POLR1G: variants seen among roughly 807,000 people sequenced by gnomAD.
The protein encoded by POLR1G is RNA polymerase I subunit G.
Under a neutral mutation model 6.3 loss-of-function variants are expected in POLR1G, and 9 were observed. The observed-to-expected ratio is 1.44, with a 90% CI of 0.87 to 2.51. The LOEUF (loss-of-function observed/expected upper bound fraction) is 2.51. Ranked by LOEUF, POLR1G falls within the 30% of genes most tolerant of loss-of-function variation. The pLI, the probability that POLR1G is intolerant of heterozygous loss-of-function variation, is 0.00. For synonymous variants in POLR1G, 248 were observed against 256.5 expected (o/e 0.97, Z 0.32); for missense variants, 617 against 632.5 (o/e 0.98, Z 0.26).
chr19:45,406,734 G>A lies in POLR1G; in HGVS notation c.22+16G>A. The stretch of plus-strand genomic sequence containing the variant: ...CAGGCCGGCGGTGAGGGTGCGGGTT[G>A]ACGGGGTGCGGAGGGTGCGTTGGTG... On this transcript the variant is annotated intron_variant, in intron 1 of 2. Coordinates refer to ENST00000309424, the MANE Select transcript of POLR1G (RefSeq NM_012099.3). The surrounding 1 kb of genome is among the most constrained non-coding windows in gnomAD (Gnocchi z 4.2). 2 of 1,527,202 alleles carry A rather than the reference G, an allele frequency of 1.3e-6. No individual in the cohort carries two copies. Among genetic ancestry groups the A allele is most frequent in the Non-Finnish European group, 8.8e-7 (1 of 1,139,566 alleles). The allele number at this position is 1,527,202 out of a possible 1,614,324, so 94.6% of individuals were successfully genotyped here.
At chr19:45,407,361 A>T in intron 2 of POLR1G, 126 bp downstream of exon 2, 1 of 869,822 alleles carries the variant, frequency 1.1e-6, no homozygotes. Context: ...GTTTATTGGA[A>T]ACTACTCCTT....
Position 45,406,982 on chromosome 19 carries a change from T to C in POLR1G, c.23-112T>C. The C allele has an allele frequency of 7.2e-7, 1 of 1,388,418 alleles. No individual in the cohort carries two copies. 86.0% of individuals were successfully genotyped at this position (1,388,418 alleles called of 1,614,324 possible). Reference sequence around the variant, plus strand: ...AGGTGGGCAGAAAGGAGAAACCAGGTTGAGGGGACTGGAGTGCTCACGAGG... The same window carrying C: ...AGGTGGGCAGAAAGGAGAAACCAGGCTGAGGGGACTGGAGTGCTCACGAGG... On this transcript the variant is annotated intron_variant, in intron 1 of 2. Transcript: ENST00000309424. The surrounding 1 kb of genome is among the most constrained non-coding windows in gnomAD (Gnocchi z 4.2).
Position 45,408,923 on chromosome 19 carries a change from G to A in POLR1G, c.955G>A (p.Glu319Lys), listed in dbSNP as rs143443617. ...GCCACAGGTGAAGGTGGAGCCACTG[G>A]AGGAAGCCATCCCTCTGCCCCCTAC... Reference protein sequence around the residue: ...SQPQVKVEPLEEAIPLPPTKK... With the variant: ...SQPQVKVEPLKEAIPLPPTKK... Residue 319 changes from glutamate to lysine, a missense_variant, in exon 3 of 3, where the codon GAG becomes AAG. Physicochemically the swap from Glu to Lys is moderately conservative, Grantham distance 56 (BLOSUM62 1). Coordinates refer to ENST00000309424, the MANE Select transcript of POLR1G (RefSeq NM_012099.3). 1.6e-3 allele frequency: 2,540 copies of A among 1,614,130 alleles called. 5 individuals carry two copies. The highest frequency in any genetic ancestry group is 1.7e-3 in the Non-Finnish European group (2,061 of 1,180,016).
Position 45,409,168 on chromosome 19 carries a change from G to A in POLR1G, c.1200G>A (p.Glu400=), listed in dbSNP as rs200242647. The A allele has an allele frequency of 2.7e-5, 44 of 1,613,636 alleles. No individual in the cohort carries two copies. The Admixed American group carries it at 7.2e-4, about 26-fold the overall frequency. The change falls in exon 3 of 3, where the codon GAG becomes GAA. Residue 400 remains glutamate (E), a synonymous_variant. Transcript: ENST00000309424. The part of the protein sequence containing the change: ...EKQQDATVEP[E]TEVVGPELPD... ...AGCAAGATGCCACAGTGGAGCCAGA[G>A]ACAGAGGTGGTGGGGCCTGAGCTGC...
At position 45,406,677 on chromosome 19, in the gene POLR1G, C is replaced by T. The variant is rs374383672; in HGVS notation, c.-20C>T. On this transcript the variant is annotated 5_prime_UTR_variant, in exon 1 of 3. Coordinates refer to ENST00000309424, the MANE Select transcript of POLR1G (RefSeq NM_012099.3). This position sits in a 1 kb window ranked among gnomAD's most constrained non-coding sequence, Gnocchi z 4.2. ...GCGAGCAGCCCGGGCTACAGGGTTG[C>T]CTGAGGTGTGGGTCCCAGGATGGAG... The T allele has an allele frequency of 2.6e-6, 4 of 1,545,154 alleles. No individual in the cohort carries two copies. The highest frequency in any genetic ancestry group is 5.0e-5 in the East Asian group (2 of 39,666).
Position 45,409,125 on chromosome 19 carries a change from A to C in POLR1G, c.1157A>C (p.Lys386Thr), listed in dbSNP as rs761470524. 2.2e-5 allele frequency: 35 copies of C among 1,613,126 alleles called. No individual in the cohort carries two copies. Among genetic ancestry groups the C allele is most frequent in the Non-Finnish European group, 2.7e-5 (32 of 1,179,398 alleles). Residue 386 changes from lysine (K) to threonine (T), a missense_variant, in exon 3 of 3, where the codon AAG (lysine) becomes ACG (threonine). Coordinates refer to ENST00000309424, the MANE Select transcript of POLR1G (RefSeq NM_012099.3). ...GCAGCTCTGGCAGCTCCCAAAAAGA[A>C]GACGAAGAAAGAAAAACAGCAAGAT... Reference protein sequence around the residue: ...AQAALAAPKKKTKKEKQQDAT... With the variant: ...AQAALAAPKKTTKKEKQQDAT...
At position 45,406,740 on chromosome 19, in the gene POLR1G, G is replaced by C; in HGVS notation, c.22+22G>C. Reference sequence around the variant, plus strand: ...GGCGGTGAGGGTGCGGGTTGACGGGGTGCGGAGGGTGCGTTGGTGGAAGGA... The same window carrying C: ...GGCGGTGAGGGTGCGGGTTGACGGGCTGCGGAGGGTGCGTTGGTGGAAGGA... On this transcript the variant is annotated intron_variant, in intron 1 of 2. Transcript: ENST00000309424. The surrounding 1 kb of genome is among the most constrained non-coding windows in gnomAD (Gnocchi z 4.2). 6.6e-7 allele frequency: 1 copy of C among 1,520,014 alleles called. No individual in the cohort carries two copies. The highest frequency in any genetic ancestry group is 8.8e-7 in the Non-Finnish European group (1 of 1,136,822). 94.2% of individuals were successfully genotyped at this position (1,520,014 alleles called of 1,614,324 possible). A position where few individuals can be genotyped will look rare whatever the true frequency, so the allele number is the denominator to read the frequency against.
chr19:45,406,653 C>A lies in POLR1G; in HGVS notation c.-44C>A. ...GATCCACGTGGTCTGCAACCTGGTGCGAGCAGCCCGGGCTACAGGGTTGCC... is the reference window on the plus strand; with the variant it reads ...GATCCACGTGGTCTGCAACCTGGTGAGAGCAGCCCGGGCTACAGGGTTGCC... On this transcript the variant is annotated 5_prime_UTR_variant, in exon 1 of 3. Transcript: ENST00000309424. The surrounding 1 kb of genome is among the most constrained non-coding windows in gnomAD (Gnocchi z 4.2). The A allele has an allele frequency of 6.5e-7, 1 of 1,545,680 alleles. No individual in the cohort carries two copies. The highest frequency in any genetic ancestry group is 8.7e-7 in the Non-Finnish European group (1 of 1,144,600).
chr19:45,409,892 A>ATTTTTT lies in POLR1G; in HGVS notation c.*393_*394insTTTTTT, dbSNP rs200386912. ...ATCTTTTTAAGTTATTATTATTATT[A>ATTTTTT]TTATTTTTTTTTTTTTTGAGATGGA... On this transcript the variant is annotated 3_prime_UTR_variant, in exon 3 of 3. Transcript: ENST00000309424. 211 of 206,250 alleles carry ATTTTTT rather than the reference A, an allele frequency of 1.0e-3. No individual in the cohort carries two copies. Among genetic ancestry groups the ATTTTTT allele is most frequent in the Middle Eastern group, 6.3e-3 (4 of 638 alleles). The allele number at this position is 206,250 out of a possible 1,614,324, so 12.8% of individuals were successfully genotyped here.
At position 45,407,125 on chromosome 19, in the gene POLR1G, T is replaced by C. The variant is rs1033040039; in HGVS notation, c.54T>C (p.Phe18=). 1.2e-5 allele frequency: 20 copies of C among 1,605,888 alleles called. No individual in the cohort carries two copies. The highest frequency in any genetic ancestry group is 1.5e-5 in the Non-Finnish European group (18 of 1,178,004). Residue 18 remains phenylalanine (F), a synonymous_variant, in exon 2 of 3, where the codon TTT becomes TTC. Coordinates refer to ENST00000309424, the MANE Select transcript of POLR1G (RefSeq NM_012099.3). ...DAARFSCPPN[F]TAKPPASESP... ...CTCGGTTCTCTTGTCCCCCCAACTT[T>C]ACCGCGAAGCCCCCAGCCTCAGAGT... is the stretch of plus-strand genomic sequence containing the variant.
rs544748650 is a variant in POLR1G at position 45,407,439 on chromosome 19, T to G, written c.164+204T>G. 26 of 548,858 alleles carry G rather than the reference T, an allele frequency of 4.7e-5. No homozygotes were observed. In the South Asian group the frequency reaches 5.5e-4, roughly 12 times the overall value. 34.0% of individuals were successfully genotyped at this position (548,858 alleles called of 1,614,324 possible). On this transcript the variant is annotated intron_variant, in intron 2 of 2. Coordinates refer to ENST00000309424, the MANE Select transcript of POLR1G (RefSeq NM_012099.3). The stretch of plus-strand genomic sequence containing the variant: ...AGCCCTTTGTTAGTATTTCTACTTA[T>G]AAGAAACTATAAGGAACTATAGTTA...
At position 45,407,021 on chromosome 19, in the gene POLR1G, A is replaced by G. The variant is rs113842913; in HGVS notation, c.23-73A>G. On this transcript the variant is annotated intron_variant, in intron 1 of 2. Transcript: ENST00000309424. The stretch of plus-strand genomic sequence containing the variant: ...GTGCTCACGAGGTTAAGACCAATGG[A>G]CCGATAGGCGCGCCCTGCAAGATTG... The G allele has an allele frequency of 5.3e-5, 81 of 1,535,630 alleles. 1 individual carries two copies. Among genetic ancestry groups the G allele is most frequent in the African/African-American group, 1.5e-4 (11 of 71,750 alleles).
rs1448730059 is a variant in POLR1G, at chr19:45,407,084, T to C, written c.23-10T>C. 1.3e-6 allele frequency: 2 copies of C among 1,584,800 alleles called. No individual in the cohort carries two copies. Among genetic ancestry groups the C allele is most frequent in the South Asian group, 2.3e-5 (2 of 86,868 alleles). On this transcript the variant is annotated splice_polypyrimidine_tract_variant and intron_variant, in intron 1 of 2. Coordinates refer to ENST00000309424, the MANE Select transcript of POLR1G (RefSeq NM_012099.3). ...GGTGTCAGTCGACCCCATTTCCCCT[T>C]CTGCTGCAGATGCTGCTCGGTTCTC... is the stretch of plus-strand genomic sequence containing the variant.
Position 45,409,688 on chromosome 19 carries a change from A to C in POLR1G, c.*187A>C. 9.5e-7 allele frequency: 1 copy of C among 1,057,788 alleles called. No homozygotes were observed. The highest frequency in any genetic ancestry group is 1.5e-6 in the Non-Finnish European group (1 of 672,216). 65.5% of individuals were successfully genotyped at this position (1,057,788 alleles called of 1,614,324 possible). ...CAGCTGGGGTCATCAGGGTACTTTC[A>C]AGAAGGGCTCGTGCAGGACATCAAA... On this transcript the variant is annotated 3_prime_UTR_variant, in exon 3 of 3. Coordinates refer to ENST00000309424, the MANE Select transcript of POLR1G (RefSeq NM_012099.3).
chr19:45,406,804 C>A lies in POLR1G; in HGVS notation c.22+86C>A. 1 of 1,292,224 alleles carries A rather than the reference C, an allele frequency of 7.7e-7. No individual in the cohort carries two copies. Among genetic ancestry groups the A allele is most frequent in the South Asian group, 1.4e-5 (1 of 69,420 alleles). 80.0% of individuals were successfully genotyped at this position (1,292,224 alleles called of 1,614,324 possible). ...GAGAGGGTTCGGGCGGAAAAGGAGG[C>A]GTACCTGCAAGCAGGACTTGCGAAG... On this transcript the variant is annotated intron_variant, in intron 1 of 2. Transcript: ENST00000309424. This position sits in a 1 kb window ranked among gnomAD's most constrained non-coding sequence, Gnocchi z 4.2.
chr19:45,407,308 G>T, intron 2 of POLR1G, 73 bp downstream of exon 2: 1 of 1,424,726 alleles, frequency 7.0e-7, no homozygotes, highest in Non-Finnish European at 9.7e-7. Context: ...TTTGTCACAG[G>T]AAAGAATTAG....
Position 45,407,183 on chromosome 19 carries a change from C to A in POLR1G, c.112C>A (p.Pro38Thr). The A allele has an allele frequency of 6.2e-7, 1 of 1,613,146 alleles. No individual in the cohort carries two copies. Among genetic ancestry groups the A allele is most frequent in the Non-Finnish European group, 8.5e-7 (1 of 1,179,768 alleles). Residue 38 changes from proline (P) to threonine (T), a missense_variant, in exon 2 of 3, where the codon CCA becomes ACA. Pro to Thr is a conservative substitution (Grantham distance 38). Coordinates refer to ENST00000309424, the MANE Select transcript of POLR1G (RefSeq NM_012099.3). ...TTTCTCCTTGGAGGCGCTGACGGGT[C>A]CAGATACGGAGCTGTGGCTTATTCA... ...PRFSLEALTG[P>T]DTELWLIQAP... is the part of the protein sequence containing the mutation.
In POLR1G at chr19:45,408,708, C is replaced by T. The variant is rs764593189; in HGVS notation, c.740C>T (p.Pro247Leu). Residue 247 changes from proline (P) to leucine (L), a missense_variant, in exon 3 of 3, where the codon CCG becomes CTG. Pro to Leu is a moderately conservative substitution (Grantham distance 98). Transcript: ENST00000309424. ...ETLEPLGVLF[P>L]STTKKRKKPK... ...CTGGAGCCTCTGGGAGTGCTGTTCC[C>T]GTCCACCACCAAGAAGAGGAAGAAG... 2.8e-5 allele frequency: 45 copies of T among 1,613,726 alleles called. No individual in the cohort carries two copies. Among genetic ancestry groups the T allele is most frequent in the Admixed American group, 2.0e-4 (12 of 59,974 alleles).
rs1555785258 is a variant in POLR1G at position 45,409,895 on chromosome 19, A to ATTATT, written c.*396_*397insATTTT. On this transcript the variant is annotated 3_prime_UTR_variant, in exon 3 of 3. Coordinates refer to ENST00000309424, the MANE Select transcript of POLR1G (RefSeq NM_012099.3). Reference sequence around the variant, plus strand: ...TTTTTAAGTTATTATTATTATTATTATTTTTTTTTTTTTTGAGATGGAGTC... The same window carrying ATTATT: ...TTTTTAAGTTATTATTATTATTATTATTATTTTTTTTTTTTTTTTGAGATGGAGTC... The ATTATT allele has an allele frequency of 3.6e-3, 615 of 171,504 alleles. 1 individual carries two copies. The highest frequency in any genetic ancestry group is 8.8e-3 in the African/African-American group (320 of 36,466). The allele number at this position is 171,504 out of a possible 1,614,324, so 10.6% of individuals were successfully genotyped here.
Sources: allele counts gnomAD v4.1 joint callset, GRCh38; gene constraint gnomAD v4.1.1; non-coding constraint Gnocchi (gnomAD v3.1); transcripts MANE v1.5; gene names NCBI Gene and HGNC (gene_info 2026-07-23, HGNC 2026-07-21).